The following TTC29 variants were observed in gnomAD, a reference collection of about 807,000 sequenced individuals.
TTC29 encodes the protein tetratricopeptide repeat domain 29.
Under a neutral mutation model 58.1 loss-of-function variants are expected in TTC29, and 49 were observed. That is an observed-to-expected ratio of 0.84 (90% confidence interval 0.67 to 1.07). TTC29 has a LOEUF of 1.07. Among genes scored for constraint, TTC29 ranks in the 50% least tolerant of loss-of-function variants. The pLI is 0.00. For synonymous variants in TTC29, 209 were observed against 196.8 expected (o/e 1.06, Z -0.52); for missense variants, 582 against 555.6 (o/e 1.05, Z -0.48).
At chr4:146,765,166 G>C (rs1367838064) in intron 11 of TTC29, among the ~76,000 whole-genome samples, 3 of 151,910 alleles carry the variant, frequency 2.0e-5, no homozygotes. Flanking sequence ...TAACTTAAAG[G>C]CATGTACATG....
intron 11 of TTC29, among the ~76,000 whole-genome samples, chr4:146,714,888 A>T (rs1018227881): frequency 6.6e-6 from 1 of 152,144 alleles, no homozygotes; most frequent in African/African-American, 2.4e-5. Flanking sequence ...TCTTTTATTG[A>T]GACAGGGTCT....
intron 11 of TTC29, among the ~76,000 whole-genome samples, chr4:146,739,374 T>C (rs1415443816): frequency 6.6e-6 from 1 of 152,230 alleles, no homozygotes; most frequent in Non-Finnish European, 1.5e-5. Flanking sequence ...CAACTGTACG[T>C]GATCTTTCTC....
intron 4 of TTC29, among the ~76,000 whole-genome samples, chr4:146,916,242 T>C (rs1359341366): frequency 6.6e-6 from 1 of 151,788 alleles, no homozygotes; most frequent in Non-Finnish European, 1.5e-5. Context: ...AAAAATTATA[T>C]GAGTTGTTTA....
At chr4:146,773,280 A>C (rs1192364125) in intron 11 of TTC29, among the ~76,000 whole-genome samples, 7 of 152,130 alleles carry the variant, frequency 4.6e-5, no homozygotes, top group Admixed American at 4.6e-4. Context: ...GAGAGTAGGC[A>C]TCCTTGTCTT....
intron 11 of TTC29, among the ~76,000 whole-genome samples, chr4:146,775,962 C>T (rs1010925182): frequency 1.3e-5 from 2 of 152,064 alleles, no homozygotes; most frequent in Non-Finnish European, 2.9e-5. Context: ...CCCATATTAC[C>T]CTTTGAGAAA....
At chr4:146,729,006 C>A (rs964661176) in intron 11 of TTC29, among the ~76,000 whole-genome samples, 1 of 151,000 alleles carries the variant, frequency 6.6e-6, no homozygotes, top group Non-Finnish European at 1.5e-5. Context: ...TCAGCCAATG[C>A]CAGGCACATA....
At position 146,922,079 on chromosome 4, in the gene TTC29, C is replaced by T. The variant is rs79275496; in HGVS notation, c.177-12830G>A. 4.5e-3 allele frequency among the ~76,000 whole-genome samples: 666 copies of T among 147,004 alleles called. 6 individuals are homozygous for T. The highest frequency in any genetic ancestry group is 0.015 in the African/African-American group (601 of 40,300). On this transcript the variant is annotated intron_variant, in intron 4 of 12. Transcript: ENST00000325106. The stretch of plus-strand genomic sequence containing the variant: ...TACTCACTGCAAATTTAGAAATACA[C>T]TTCAAATTTATTTTTTGCTTAAATG...
At chr4:146,734,222 G>T (rs572996600) in intron 11 of TTC29, among the ~76,000 whole-genome samples, 1 of 152,246 alleles carries the variant, frequency 6.6e-6, no homozygotes, top group South Asian at 2.1e-4. Context: ...ATTTCAGCCA[G>T]CAAGAAGTGG....
chr4:146,804,783 G>A (rs923452195), intron 10 of TTC29, among the ~76,000 whole-genome samples: 4 of 151,564 alleles, frequency 2.6e-5, no homozygotes, highest in South Asian at 2.1e-4. Context: ...ACAGCACCTC[G>A]GGGAAGGGAG....
intron 6 of TTC29, among the ~76,000 whole-genome samples, chr4:146,887,398 T>C (rs542587537): frequency 3.4e-4 from 52 of 152,254 alleles, no homozygotes; most frequent in African/African-American, 1.2e-3. Context: ...TTTGTCTAAA[T>C]GTTACCGTTA....
chr4:146,808,283 A>G (rs918254433), intron 10 of TTC29, among the ~76,000 whole-genome samples: 1 of 152,220 alleles, frequency 6.6e-6, no homozygotes, highest in Non-Finnish European at 1.5e-5. Context: ...AGCCAATATC[A>G]TACTTAATGG....
chr4:146,794,277 C>T (rs1210447295), intron 11 of TTC29, among the ~76,000 whole-genome samples: 2 of 152,070 alleles, frequency 1.3e-5, no homozygotes, highest in South Asian at 2.1e-4. Context: ...ATTATAATAG[C>T]CTGCTCATCC....
chr4:146,733,393 G>GAT (rs929581896), intron 11 of TTC29, among the ~76,000 whole-genome samples: 27 of 151,750 alleles, frequency 1.8e-4, no homozygotes, highest in South Asian at 1.7e-3. Flanking sequence ...GTAAGTATAT[G>GAT]ATATATATAT....
chr4:146,717,156 T>C (rs1742994124), intron 11 of TTC29, among the ~76,000 whole-genome samples: 1 of 152,200 alleles, frequency 6.6e-6, no homozygotes, highest in Non-Finnish European at 1.5e-5. Context: ...AAAGGAGTTG[T>C]AGCTGCTTGG....
intron 2 of TTC29, 134 bp downstream of exon 2, chr4:146,944,897 T>G (rs1320166930): frequency 6.6e-6 from 1 of 152,122 alleles, no homozygotes; most frequent in Non-Finnish European, 1.5e-5. Flanking sequence ...CTTCTGGCAC[T>G]CTCTCATGGG....
chr4:146,707,606 T>C (rs1346507649), intron 11 of TTC29, 55 bp from the exon 12 acceptor site: 8 of 1,324,946 alleles, frequency 6.0e-6, no homozygotes, highest in South Asian at 1.2e-5. Context: ...TTTATAGTTA[T>C]TTTGATCTTG....
intron 2 of TTC29, 112 bp from the exon 3 acceptor site, chr4:146,940,013 T>C (rs1736225052): frequency 5.0e-6 from 5 of 1,001,340 alleles, no homozygotes. Context: ...AATGCCTATG[T>C]GTAGTGCTAC....
At position 146,834,759 on chromosome 4, in the gene TTC29, T is replaced by A. The variant is rs143767499; in HGVS notation, c.886-862A>T. On this transcript the variant is annotated intron_variant, in intron 8 of 12. Transcript: ENST00000325106. ...GTGTGAGGGACGACATAAAAACACC[T>A]TGTCTGCTACTGCCTGAATCAGGCA... is the stretch of plus-strand genomic sequence containing the variant. Among the ~76,000 whole-genome samples, 594 of 152,252 alleles carry A rather than the reference T, an allele frequency of 3.9e-3. 5 individuals are homozygous for A. The highest frequency in any genetic ancestry group is 0.014 in the African/African-American group (563 of 41,562).
chr4:146,760,061 T>C (rs1175247707), intron 11 of TTC29, among the ~76,000 whole-genome samples: 4 of 151,994 alleles, frequency 2.6e-5, no homozygotes, highest in Admixed American at 2.0e-4. Context: ...AGAAAGCTCT[T>C]TGAACTGATA....
Sources: gnomAD v4.1 joint callset for allele counts (sites outside exome capture counted in the v4.1 genomes callset) on GRCh38, gnomAD v4.1.1 for gene constraint, MANE v1.5 for transcripts, NCBI Gene and HGNC (gene_info 2026-07-23, HGNC 2026-07-21) for gene names.